Variants in ROBO2 observed in about 807,000 individuals in gnomAD.
The protein encoded by ROBO2 is roundabout homolog 2.
A neutral mutation model predicts 160.8 loss-of-function variants in ROBO2; 53 were observed. The observed-to-expected ratio is 0.33, with a 90% confidence interval of 0.26 to 0.41. The LOEUF (loss-of-function observed/expected upper bound fraction) is 0.41. Ranked by LOEUF, ROBO2 falls within the 10% of genes least tolerant of loss-of-function variation. The pLI, the probability that ROBO2 is intolerant of heterozygous loss-of-function variation, is 1.00. For missense variants in ROBO2, 1,577 were observed against 1,722.4 expected, an observed-to-expected ratio of 0.92 and a Z score of 1.49; for synonymous variants, 664 against 611.7, an observed-to-expected ratio of 1.09 and a Z score of -1.26.
At chr3:77,012,002 T>G (rs531773550) in intron 2 of ROBO2, among the ~76,000 whole-genome samples, 2 of 152,246 alleles carry the variant, frequency 1.3e-5, no homozygotes, top group East Asian at 3.9e-4. Context: ...AATCTAAAAA[T>G]GAATATGTAT....
At chr3:76,390,676 C>T (rs2077106590) in intron 2 of ROBO2, among the ~76,000 whole-genome samples, 3 of 152,180 alleles carry the variant, frequency 2.0e-5, no homozygotes, top group Non-Finnish European at 4.4e-5. Flanking sequence ...TGGCTTTCTA[C>T]TCCTCTGTAG....
intron 13 of ROBO2, 74 bp from the exon 15 acceptor site, chr3:77,574,425 A>G: frequency 7.7e-7 from 1 of 1,291,940 alleles, no homozygotes; most frequent in Non-Finnish European, 1.1e-6. Flanking sequence ...GGGACAAATG[A>G]AAAGAGGACA....
chr3:76,124,709 A>T (rs1442213623), intron 2 of ROBO2, among the ~76,000 whole-genome samples: 1 of 146,120 alleles, frequency 6.8e-6, no homozygotes, highest in African/African-American at 2.7e-5. Context: ...AACTTCTCAA[A>T]TTAATCTAGA....
chr3:76,986,763 A>T (rs2060403237), intron 2 of ROBO2, among the ~76,000 whole-genome samples: 1 of 152,206 alleles, frequency 6.6e-6, no homozygotes, highest in African/African-American at 2.4e-5. Flanking sequence ...TTGTATTATA[A>T]TATGGAACTG....
chr3:77,525,620 A>T (rs1208762584), intron 6 of ROBO2, among the ~76,000 whole-genome samples: 1 of 151,188 alleles, frequency 6.6e-6, no homozygotes, highest in African/African-American at 2.4e-5. Flanking sequence ...TTGTAAGCAC[A>T]TTTTACCCAT....
intron 2 of ROBO2, among the ~76,000 whole-genome samples, chr3:77,441,639 C>A (rs1312398888): frequency 6.6e-6 from 1 of 151,970 alleles, no homozygotes; most frequent in Non-Finnish European, 1.5e-5. Context: ...GGGACAGAGG[C>A]CTTTGGGATC....
chr3:77,457,939 A>G (rs994727547), intron 2 of ROBO2, among the ~76,000 whole-genome samples: 1 of 152,184 alleles, frequency 6.6e-6, no homozygotes, highest in Non-Finnish European at 1.5e-5. Flanking sequence ...CTGTGGGCAA[A>G]TAAATACTTT....
At chr3:77,159,745 T>C (rs1003965995) in intron 2 of ROBO2, among the ~76,000 whole-genome samples, 5 of 152,134 alleles carry the variant, frequency 3.3e-5, no homozygotes, top group Admixed American at 3.3e-4. Context: ...TATAAACATA[T>C]TGAAATTATA....
intron 2 of ROBO2, among the ~76,000 whole-genome samples, chr3:77,133,897 C>A (rs1307139754): frequency 6.6e-6 from 1 of 151,996 alleles, no homozygotes; most frequent in African/African-American, 2.4e-5. Context: ...AAATTCCAAG[C>A]AAAATTGTTC....
intron 2 of ROBO2, among the ~76,000 whole-genome samples, chr3:76,286,806 A>T (rs979291867): frequency 6.6e-6 from 1 of 152,128 alleles, no homozygotes; most frequent in Non-Finnish European, 1.5e-5. Flanking sequence ...TTGCTCATTA[A>T]TTTTTTTGTG....
intron 2 of ROBO2, among the ~76,000 whole-genome samples, chr3:76,615,213 T>G (rs2088483539): frequency 6.6e-6 from 1 of 151,660 alleles, no homozygotes; most frequent in Non-Finnish European, 1.5e-5. Flanking sequence ...GTAGATGGTT[T>G]ATTTATTGCT....
At chr3:77,047,033 T>A (rs2064742716) in intron 1 of ROBO2, among the ~76,000 whole-genome samples, 1 of 152,142 alleles carries the variant, frequency 6.6e-6, no homozygotes, top group East Asian at 1.9e-4. Flanking sequence ...TGGTACAATC[T>A]GGGAAGGGTC....
At chr3:77,628,324 G>A (rs2095078248) in intron 23 of ROBO2, among the ~76,000 whole-genome samples, 3 of 151,660 alleles carry the variant, frequency 2.0e-5, no homozygotes, top group South Asian at 2.1e-4. Context: ...TTTAATTTTC[G>A]TGTTTATACT....
intron 2 of ROBO2, among the ~76,000 whole-genome samples, chr3:76,751,312 T>C (rs541451413): frequency 6.6e-6 from 1 of 152,184 alleles, no homozygotes; most frequent in Non-Finnish European, 1.5e-5. Context: ...TCAAGATGGA[T>C]TAAAGACTTA....
At chr3:76,361,034 C>G (rs997761151) in intron 2 of ROBO2, among the ~76,000 whole-genome samples, 37 of 152,162 alleles carry the variant, frequency 2.4e-4, no homozygotes, top group African/African-American at 8.4e-4. Context: ...GACAAAATCT[C>G]AATTGATACA....
chr3:75,969,208 A>G (rs2064912489), intron 2 of ROBO2, among the ~76,000 whole-genome samples: 2 of 150,148 alleles, frequency 1.3e-5, no homozygotes, highest in African/African-American at 4.9e-5. Flanking sequence ...ATAACTATAC[A>G]TCATAGTTTC....
chr3:76,508,525 A>G (rs2080911495), intron 2 of ROBO2, among the ~76,000 whole-genome samples: 1 of 152,172 alleles, frequency 6.6e-6, no homozygotes. Context: ...AAAAATTATT[A>G]AGAATGTTAT....
intron 2 of ROBO2, among the ~76,000 whole-genome samples, chr3:76,960,308 T>G (rs2079555837): frequency 6.6e-6 from 1 of 152,058 alleles, no homozygotes; most frequent in African/African-American, 2.4e-5. Flanking sequence ...CAGAAGAAAG[T>G]TAGAGGTGCT....
intron 2 of ROBO2, among the ~76,000 whole-genome samples, chr3:77,386,471 C>T (rs891941927): frequency 6.6e-6 from 1 of 151,918 alleles, no homozygotes; most frequent in Admixed American, 6.6e-5. Context: ...ATTATAGAAA[C>T]CTTGTAGCAG....
Sources: allele counts gnomAD v4.1 joint callset (sites outside exome capture counted in the v4.1 genomes callset), GRCh38; gene constraint gnomAD v4.1.1; transcripts MANE v1.5; gene names NCBI Gene and HGNC (gene_info 2026-07-23, HGNC 2026-07-21).